The following CDKL5 variants were observed in gnomAD, a reference collection of about 807,000 sequenced individuals.
CDKL5 encodes cyclin-dependent kinase-like 5.
In CDKL5, 8 loss-of-function variants were observed where a neutral mutation model predicts 61.7. That is an observed-to-expected ratio of 0.13 (90% CI 0.08 to 0.23). The LOEUF is 0.23. Ranked by LOEUF, CDKL5 falls within the 10% of genes least tolerant of loss-of-function variation. The pLI, the probability that CDKL5 is intolerant of heterozygous loss-of-function variation, is 1.00. For missense variants in CDKL5, 440 were observed against 734.5 expected (o/e 0.60, Z 4.63); for synonymous variants, 275 against 272.3 (o/e 1.01, Z -0.10).
At chrX:18,459,931 G>T (rs1400905934) in intron 1 of CDKL5, among the ~76,000 whole-genome samples, 3 of 108,149 alleles carry the variant, frequency 2.8e-5, no homozygotes, top group African/African-American at 1.0e-4. Context: ...GGAGTGCAAT[G>T]GCACGATCTC....
intron 20 of CDKL5, among the ~76,000 whole-genome samples, chrX:18,646,559 G>C (rs774740396): frequency 8.9e-6 from 1 of 112,156 alleles, no homozygotes; most frequent in Non-Finnish European, 1.9e-5. Context: ...TAACTAATAC[G>C]CACTCAGGGT....
chrX:18,517,680 G>A (rs1188165960), intron 3 of CDKL5, among the ~76,000 whole-genome samples: 4 of 111,438 alleles, frequency 3.6e-5, no homozygotes. Flanking sequence ...TACCTATATA[G>A]TGGAAACTCT....
chrX:18,501,611 AGATCTCGGTTTACTGCAACCTCTGCCT>A (rs1357079621), intron 1 of CDKL5, among the ~76,000 whole-genome samples: 1 of 111,186 alleles, frequency 9.0e-6, no homozygotes, highest in African/African-American at 3.3e-5. Flanking sequence ...TGCAGTAGTA[AGATCTCGGTTTACTGCAACCTCTGCCT>A]TCCGGGTTCA....
intron 16 of CDKL5, among the ~76,000 whole-genome samples, chrX:18,621,559 G>A (rs1410369914): frequency 9.0e-6 from 1 of 110,803 alleles, no homozygotes; most frequent in Non-Finnish European, 1.9e-5. Context: ...TTGTTTGTTT[G>A]TTTTTTAAGT....
rs1473810195 is a variant in CDKL5 at position 18,633,166 on chromosome X, A to G, written c.*4409A>G. On this transcript the variant is annotated 3_prime_UTR_variant, in exon 18 of 18. Coordinates refer to ENST00000623535, the MANE Select transcript of CDKL5 (RefSeq NM_001323289.2). ...CTAGAAGTTCGTTACCTCCTGCATG[A>G]TAGTGGGATATTGAGATGTGGGTTC... The G allele has an allele frequency of 1.3e-6, 1 of 752,262 alleles. No individual in the cohort carries two copies. The highest frequency in any genetic ancestry group is 2.3e-5 in the African/African-American group (1 of 43,153). The allele number at this position is 752,262 out of a possible 1,213,427, so 62.0% of individuals were successfully genotyped here.
At chrX:18,528,951 A>G (rs747378577) in intron 3 of CDKL5, among the ~76,000 whole-genome samples, 1 of 110,997 alleles carries the variant, frequency 9.0e-6, no homozygotes, top group South Asian at 3.8e-4. Flanking sequence ...CTTTATATTC[A>G]TTTTTTTAAA....
At chrX:18,475,419 T>C (rs1365456617) in intron 1 of CDKL5, among the ~76,000 whole-genome samples, 1 of 110,967 alleles carries the variant, frequency 9.0e-6, no homozygotes, top group African/African-American at 3.3e-5. Flanking sequence ...CTCAGCCTCC[T>C]GAGTAGCTGG....
At chrX:18,649,994 G>A (rs764750663) in intron 20 of CDKL5, 37 of 212,572 alleles carry the variant, frequency 1.7e-4, no homozygotes, top group Middle Eastern at 1.7e-3. Context: ...CCGCCGCCCC[G>A]CTCAGGGCTA....
intron 4 of CDKL5, among the ~76,000 whole-genome samples, chrX:18,567,262 A>G (rs1298944956): frequency 8.9e-6 from 1 of 111,744 alleles, no homozygotes; most frequent in Non-Finnish European, 1.9e-5. Context: ...AAACCATTTA[A>G]TTCTCAATCA....
chrX:18,546,258 CTTTTTTTTTT>C (rs935420091), intron 3 of CDKL5, among the ~76,000 whole-genome samples: 1 of 90,524 alleles, frequency 1.1e-5, no homozygotes, highest in African/African-American at 4.0e-5. Context: ...TCTACTTCTT[CTTTTTTTTTT>C]TTTTTTTTTT....
rs778482899 is a variant in CDKL5, at chrX:18,497,572, C to T, written c.-162-9363C>T. ...TTATTTTTTAATACCATATAAATGA[C>T]GAAGGAACTATTTATATATGAAATC... On this transcript the variant is annotated intron_variant, in intron 1 of 17. Transcript: ENST00000623535. Among the ~76,000 whole-genome samples, 7 of 111,466 alleles carry T rather than the reference C, an allele frequency of 6.3e-5. No individual in the cohort carries two copies. The East Asian group carries it at 8.4e-4, about 13-fold the overall frequency.
chrX:18,477,852 G>A (rs1477051634), intron 1 of CDKL5, among the ~76,000 whole-genome samples: 1 of 112,095 alleles, frequency 8.9e-6, no homozygotes, highest in Non-Finnish European at 1.9e-5. Context: ...ATAAAGGAGA[G>A]GAAGTATATA....
chrX:18,459,698 CTT>C (rs756249968), intron 1 of CDKL5, among the ~76,000 whole-genome samples: 115 of 53,555 alleles, frequency 2.1e-3, no homozygotes, highest in African/African-American at 8.0e-3. Flanking sequence ...AGCTTTCTTT[CTT>C]TTTTTTTTTT....
rs765535216 is a variant in CDKL5, at chrX:18,650,483, A to G, written c.2871A>G (p.Pro957=). The G allele has an allele frequency of 1.4e-5, 17 of 1,210,204 alleles. No individual in the cohort carries two copies. The highest frequency in any genetic ancestry group is 1.3e-5 in the Non-Finnish European group (12 of 895,135). The change falls in exon 21 of 22, where the codon CCA becomes CCG. Residue 957 remains proline, a synonymous_variant. Transcript: ENST00000379989. Reference sequence around the variant, plus strand: ...TCCCAAACCGAGCCCTTCATCGTCCAATCTCCAGTCCTGCTCCCTATCCAG... The same window carrying G: ...TCCCAAACCGAGCCCTTCATCGTCCGATCTCCAGTCCTGCTCCCTATCCAG...
chrX:18,476,361 A>G (rs750029737), intron 1 of CDKL5, among the ~76,000 whole-genome samples: 1 of 110,695 alleles, frequency 9.0e-6, no homozygotes, highest in African/African-American at 3.3e-5. Flanking sequence ...GATCATAGGC[A>G]TGCACCACGA....
At chrX:18,450,870 C>T (rs1444032131) in intron 1 of CDKL5, among the ~76,000 whole-genome samples, 4 of 109,141 alleles carry the variant, frequency 3.7e-5, no homozygotes, top group African/African-American at 1.0e-4. Flanking sequence ...CCACTGTGCC[C>T]GGCCTTTTTT....
intron 1 of CDKL5, among the ~76,000 whole-genome samples, chrX:18,444,352 TTTC>T (rs1931824656): frequency 8.9e-6 from 1 of 112,140 alleles, no homozygotes; most frequent in African/African-American, 3.2e-5. Flanking sequence ...GATTCACTAA[TTTC>T]CTCTTTGGCT....
rs541724756 is a variant in CDKL5, at chrX:18,631,159, G to A, written c.*2402G>A. On this transcript the variant is annotated 3_prime_UTR_variant, in exon 18 of 18. Transcript: ENST00000623535. Reference sequence around the variant, plus strand: ...TTTGCAGAACATTTCTATTCATGACGGTTCTTCAAAGAAGGGCTAGAATAT... The same window carrying A: ...TTTGCAGAACATTTCTATTCATGACAGTTCTTCAAAGAAGGGCTAGAATAT... The A allele has an allele frequency of 2.1e-4, 158 of 750,815 alleles. No individual in the cohort carries two copies. The South Asian group carries it at 9.6e-3, about 46-fold the overall frequency. The allele number at this position is 750,815 out of a possible 1,213,427, so 61.9% of individuals were successfully genotyped here. A position where few individuals can be genotyped will look rare whatever the true frequency, so the allele number is the denominator to read the frequency against.
At chrX:18,503,403 C>G (rs1399003936) in intron 1 of CDKL5, among the ~76,000 whole-genome samples, 1 of 111,818 alleles carries the variant, frequency 8.9e-6, no homozygotes, top group Non-Finnish European at 1.9e-5. Context: ...AGTCTGGTCT[C>G]GAACTCGTGA....
Sources: gnomAD v4.1 joint callset for allele counts (sites outside exome capture counted in the v4.1 genomes callset) on GRCh38, gnomAD v4.1.1 for gene constraint, MANE v1.5 for transcripts, NCBI Gene and HGNC (gene_info 2026-07-23, HGNC 2026-07-21) for gene names.